SHANK2: variants seen among roughly 807,000 people sequenced by gnomAD.
SHANK2 encodes SH3 and multiple ankyrin repeat domains protein 2.
A neutral mutation model predicts 133.7 loss-of-function variants in SHANK2; 43 were observed. The observed-to-expected ratio is 0.32, with a 90% confidence interval of 0.25 to 0.41. SHANK2 has a LOEUF of 0.41. Among genes scored for constraint, SHANK2 ranks in the 10% least tolerant of loss-of-function variants. SHANK2 has a pLI of 1.00. For missense variants in SHANK2, 1,994 were observed against 2,235.8 expected (o/e 0.89, Z 2.18); for synonymous variants, 1,017 against 952.8 (o/e 1.07, Z -1.24).
chr11:70,716,236 A>G (rs1945915020), intron 14 of SHANK2, among the ~76,000 whole-genome samples: 1 of 152,088 alleles, frequency 6.6e-6, no homozygotes, highest in South Asian at 2.1e-4. Flanking sequence ...ATCTCCTGGC[A>G]CGAGGTGCTC....
At chr11:71,074,773 A>G (rs1378177907) in intron 9 of SHANK2, among the ~76,000 whole-genome samples, 1 of 92,524 alleles carries the variant, frequency 1.1e-5, no homozygotes, top group African/African-American at 3.9e-5. Context: ...ACCTAAGCCA[A>G]TTTTTTTTTT....
At chr11:70,694,199 A>G (rs118068230) in intron 15 of SHANK2, among the ~76,000 whole-genome samples, 3,622 of 152,340 alleles carry the variant, frequency 0.024, 81 homozygotes, top group Non-Finnish European at 0.032. Flanking sequence ...AATGGCCCTT[A>G]GGGCCTCTGC....
chr11:70,523,739 G>A (rs1554971556), intron 17 of SHANK2, among the ~76,000 whole-genome samples: 1 of 152,168 alleles, frequency 6.6e-6, no homozygotes, highest in African/African-American at 2.4e-5. Flanking sequence ...ATCAGGGGCT[G>A]TACGGGATTC....
At position 70,806,998 on chromosome 11, in the gene SHANK2, T is replaced by G; in HGVS notation, c.1663+4A>C. On this transcript the variant is annotated splice_donor_region_variant and intron_variant, in intron 13 of 25. Coordinates refer to ENST00000601538, the MANE Select transcript of SHANK2 (RefSeq NM_012309.5). ...GGAGCGGAGGACAACCAGCAGACAC[T>G]GACCTTTGACCCTGTCACCGCGGTG... 1.4e-6 allele frequency: 1 copy of G among 716,490 alleles called. No individual in the cohort carries two copies. Among genetic ancestry groups the G allele is most frequent in the Non-Finnish European group, 2.6e-6 (1 of 384,340 alleles). 44.4% of individuals were successfully genotyped at this position (716,490 alleles called of 1,614,324 possible). A position where few individuals can be genotyped will look rare whatever the true frequency, so the allele number is the denominator to read the frequency against.
intron 10 of SHANK2, among the ~76,000 whole-genome samples, chr11:70,931,686 ACAC>A (rs1255615268): frequency 1.3e-5 from 2 of 152,222 alleles, no homozygotes; most frequent in Admixed American, 6.5e-5. Context: ...GATGCCAAGG[ACAC>A]AGCTATAATT....
intron 3 of SHANK2, among the ~76,000 whole-genome samples, chr11:71,125,407 G>C (rs1952163266): frequency 6.6e-6 from 1 of 152,224 alleles, no homozygotes; most frequent in African/African-American, 2.4e-5. Flanking sequence ...AAGTGAAACA[G>C]GCCTTAGTGC....
intron 17 of SHANK2, among the ~76,000 whole-genome samples, chr11:70,639,023 A>AAAAAAAC (rs1555005335): frequency 4.0e-5 from 6 of 151,768 alleles, no homozygotes; most frequent in African/African-American, 1.2e-4. Context: ...CAAAAAAAAA[A>AAAAAAAC]CAAAAAAAAC....
At chr11:70,729,822 C>T (rs968903533) in intron 14 of SHANK2, among the ~76,000 whole-genome samples, 2 of 150,976 alleles carry the variant, frequency 1.3e-5, no homozygotes, top group Non-Finnish European at 2.9e-5. Context: ...CTTGAGCCAC[C>T]GTGCTTGGCC....
chr11:70,646,833 A>AT (rs1456165140), intron 17 of SHANK2, among the ~76,000 whole-genome samples: 1,368 of 93,890 alleles, frequency 0.015, 6 homozygotes, highest in South Asian at 0.033. Context: ...TATTTATTTT[A>AT]TTTATTTATT....
intron 11 of SHANK2, among the ~76,000 whole-genome samples, chr11:70,846,308 G>T (rs1319912094): frequency 6.6e-6 from 1 of 152,130 alleles, no homozygotes; most frequent in African/African-American, 2.4e-5. Flanking sequence ...CGGTCGCTCA[G>T]GCTGATATGC....
chr11:71,152,378 T>C (rs1486536050), intron 2 of SHANK2, among the ~76,000 whole-genome samples: 1 of 152,156 alleles, frequency 6.6e-6, no homozygotes, highest in Non-Finnish European at 1.5e-5. Flanking sequence ...CCTCCCAAAG[T>C]GTTGGGATTA....
rs561079615 is a variant in SHANK2 at position 70,871,485 on chromosome 11, C to T, written c.1174+25016G>A. On this transcript the variant is annotated intron_variant, in intron 11 of 25. Coordinates refer to ENST00000601538, the MANE Select transcript of SHANK2 (RefSeq NM_012309.5). ...ATAGCCTGGCACTGAGCCTCCTTCA[C>T]GTGCTGAGGCCACATCTGTGTGCCA... 2.6e-5 allele frequency among the ~76,000 whole-genome samples: 4 copies of T among 152,346 alleles called. No homozygotes were observed. In the South Asian group the frequency reaches 8.3e-4, roughly 32 times the overall value.
chr11:70,757,354 G>A (rs1196443223), intron 14 of SHANK2, among the ~76,000 whole-genome samples: 1 of 152,208 alleles, frequency 6.6e-6, no homozygotes, highest in East Asian at 1.9e-4. Flanking sequence ...GAGCATAGCA[G>A]GCCTGTGGCT....
chr11:70,874,554 G>T lies in SHANK2; in HGVS notation c.1174+21947C>A, dbSNP rs529422329. On this transcript the variant is annotated intron_variant, in intron 11 of 25. Transcript: ENST00000601538. ...GTCATGTAATAACCATCATTTTATT[G>T]ATTTGTGCATCAGTTTTAAAACCAA... 2.0e-5 allele frequency among the ~76,000 whole-genome samples: 3 copies of T among 151,178 alleles called. No homozygotes were observed. In the Admixed American group the frequency reaches 2.0e-4, roughly 10 times the overall value.
At chr11:70,817,370 T>G (rs138246658) in intron 12 of SHANK2, among the ~76,000 whole-genome samples, 103 of 152,090 alleles carry the variant, frequency 6.8e-4, no homozygotes, top group African/African-American at 2.4e-3. Context: ...ACAGGGAGGC[T>G]GTGAAGGGGT....
At chr11:71,123,403 T>A (rs1281652769) in intron 3 of SHANK2, among the ~76,000 whole-genome samples, 2 of 151,854 alleles carry the variant, frequency 1.3e-5, no homozygotes, top group Non-Finnish European at 2.9e-5. Context: ...GAGGAAGGAG[T>A]AAGTGACGCT....
intron 14 of SHANK2, among the ~76,000 whole-genome samples, chr11:70,758,289 C>T (rs1565296681): frequency 6.6e-6 from 1 of 152,202 alleles, no homozygotes; most frequent in Non-Finnish European, 1.5e-5. Flanking sequence ...CTTGCAACTG[C>T]ACGCTCTTCT....
chr11:71,079,527 G>A (rs902646807), intron 8 of SHANK2, among the ~76,000 whole-genome samples: 8,226 of 152,134 alleles, frequency 0.054, 269 homozygotes, highest in East Asian at 0.13. Context: ...TTGGGAGGCC[G>A]AGGCGGGCGG....
chr11:70,798,643 A>C, intron 13 of SHANK2, 87 bp from the exon 14 acceptor site: 1 of 690,344 alleles, frequency 1.4e-6, no homozygotes, highest in South Asian at 1.6e-5. Context: ...GGGCAGAGGC[A>C]GGAGAATCAG....
Sources: allele counts gnomAD v4.1 joint callset (sites outside exome capture counted in the v4.1 genomes callset), GRCh38; gene constraint gnomAD v4.1.1; transcripts MANE v1.5; gene names NCBI Gene and HGNC (gene_info 2026-07-23, HGNC 2026-07-21).